Variants in C10orf90 observed in about 807,000 individuals in gnomAD.
The protein encoded by C10orf90 is (E2-independent) E3 ubiquitin-conjugating enzyme FATS.
C10orf90 carries 56 observed loss-of-function variants against 62.5 expected under a neutral mutation model. The observed-to-expected ratio is 0.90, with a 90% confidence interval of 0.72 to 1.12. C10orf90 has a LOEUF of 1.12. Ranked by LOEUF, C10orf90 falls within the 50% of genes most tolerant of loss-of-function variation. C10orf90 has a pLI of 0.00. For missense variants in C10orf90, 970 were observed against 880.4 expected (o/e 1.10, Z -1.29); for synonymous variants, 386 against 340.4 (o/e 1.13, Z -1.47).
chr10:126,551,722 G>A (rs1460611843), intron 2 of C10orf90, among the ~76,000 whole-genome samples: 2 of 152,144 alleles, frequency 1.3e-5, no homozygotes, highest in African/African-American at 4.8e-5. Context: ...AAAGAAAAAG[G>A]CACAGAAGAG....
At chr10:126,658,951 T>C (rs1846451630) in intron 1 of C10orf90, among the ~76,000 whole-genome samples, 1 of 152,186 alleles carries the variant, frequency 6.6e-6, no homozygotes, top group South Asian at 2.1e-4. Context: ...TCCTCCAGAT[T>C]GCAGAGGCTG....
intron 2 of C10orf90, among the ~76,000 whole-genome samples, chr10:126,621,748 A>G (rs1845647708): frequency 6.6e-6 from 1 of 152,228 alleles, no homozygotes; most frequent in South Asian, 2.1e-4. Flanking sequence ...CATTCTTGAT[A>G]TTAATAAAAA....
At chr10:126,602,968 GGA>G (rs369135995) in intron 2 of C10orf90, among the ~76,000 whole-genome samples, 3 of 150,902 alleles carry the variant, frequency 2.0e-5, no homozygotes, top group South Asian at 2.1e-4. Flanking sequence ...TGGGGAGAAG[GGA>G]GAGAGAGAGA....
chr10:126,572,395 AAAG>A (rs1386125343), intron 2 of C10orf90, among the ~76,000 whole-genome samples: 8 of 152,122 alleles, frequency 5.3e-5, no homozygotes, highest in African/African-American at 1.7e-4. Context: ...TAAAGGAATA[AAAG>A]AATGGCTACT....
intron 7 of C10orf90, among the ~76,000 whole-genome samples, chr10:126,455,349 C>G (rs1397220386): frequency 6.6e-6 from 1 of 152,210 alleles, no homozygotes; most frequent in Non-Finnish European, 1.5e-5. Flanking sequence ...ATGGTTCTCC[C>G]CCATGTTGGG....
intron 4 of C10orf90, among the ~76,000 whole-genome samples, chr10:126,468,884 A>C (rs1860427080): frequency 6.6e-6 from 1 of 152,222 alleles, no homozygotes; most frequent in Non-Finnish European, 1.5e-5. Flanking sequence ...TTTTACCTCC[A>C]TTGGCCAGAA....
At chr10:126,576,734 G>A (rs1330729604) in intron 2 of C10orf90, among the ~76,000 whole-genome samples, 13 of 54,382 alleles carry the variant, frequency 2.4e-4, no homozygotes, top group African/African-American at 4.3e-4. Context: ...ACATATATAT[G>A]TATATGTATA....
chr10:126,557,940 T>A (rs911787944), intron 2 of C10orf90, among the ~76,000 whole-genome samples: 1 of 152,064 alleles, frequency 6.6e-6, no homozygotes, highest in Non-Finnish European at 1.5e-5. Context: ...GGTGACGGTG[T>A]TGAGTCAGGA....
intron 2 of C10orf90, among the ~76,000 whole-genome samples, chr10:126,527,006 A>G (rs574232985): frequency 1.2e-3 from 186 of 152,288 alleles, no homozygotes; most frequent in African/African-American, 4.3e-3. Flanking sequence ...GTGGGTTTAT[A>G]ATACTACTAC....
At chr10:126,539,025 A>G (rs1864312725) in intron 2 of C10orf90, among the ~76,000 whole-genome samples, 1 of 152,204 alleles carries the variant, frequency 6.6e-6, no homozygotes. Context: ...CTGGAGCAAA[A>G]TTAGCTTTGA....
intron 2 of C10orf90, among the ~76,000 whole-genome samples, chr10:126,577,950 G>A (rs183419651): frequency 1.3e-5 from 2 of 152,034 alleles, no homozygotes; most frequent in African/African-American, 4.8e-5. Flanking sequence ...AAATGTATCT[G>A]GTCCCCTATT....
intron 4 of C10orf90, among the ~76,000 whole-genome samples, chr10:126,494,121 T>A (rs549164002): frequency 4.4e-4 from 67 of 152,296 alleles, no homozygotes; most frequent in African/African-American, 1.5e-3. Flanking sequence ...AGATCAAAAA[T>A]GCCTAAATAC....
At chr10:126,493,112 A>G (rs933779223) in intron 4 of C10orf90, among the ~76,000 whole-genome samples, 1 of 152,056 alleles carries the variant, frequency 6.6e-6, no homozygotes, top group African/African-American at 2.4e-5. Context: ...TTGTTGAGAA[A>G]AGTAAGCCTT....
At chr10:126,667,389 G>T (rs1312825742) in intron 1 of C10orf90, among the ~76,000 whole-genome samples, 1 of 152,100 alleles carries the variant, frequency 6.6e-6, no homozygotes, top group Non-Finnish European at 1.5e-5. Context: ...AGAATGAATA[G>T]AAAAAGGAGA....
rs879463844 is a variant in C10orf90 at position 126,446,571 on chromosome 10, C to CA, written c.2188+12468dup. Among the ~76,000 whole-genome samples, 54 of 151,514 alleles carry CA rather than the reference C, an allele frequency of 3.6e-4. 1 individual carries two copies. The highest frequency in any genetic ancestry group is 5.8e-4 in the East Asian group (3 of 5,170). On this transcript the variant is annotated intron_variant, in intron 7 of 9. Coordinates refer to ENST00000488181, the MANE Select transcript of C10orf90 (RefSeq NM_001350921.2). ...TGGAAATGAGAGATAAAGGCTTTGT[C>CA]AAAAAAAACAAAAGCTAAGGGGTTC...
At chr10:126,505,172 G>A in intron 3 of C10orf90, 87 bp from the exon 4 acceptor site, 3 of 1,388,928 alleles carry the variant, frequency 2.2e-6, no homozygotes, top group Non-Finnish European at 1.9e-6. Flanking sequence ...CAGGATGCCA[G>A]AGCACTGGGT....
intron 2 of C10orf90, among the ~76,000 whole-genome samples, chr10:126,516,735 A>C (rs529478489): frequency 2.0e-5 from 3 of 152,236 alleles, no homozygotes; most frequent in South Asian, 4.1e-4. Flanking sequence ...ACACAACACA[A>C]ATGTGGTATG....
At chr10:126,558,028 G>A (rs1045613363) in intron 2 of C10orf90, among the ~76,000 whole-genome samples, 7 of 152,028 alleles carry the variant, frequency 4.6e-5, no homozygotes, top group Non-Finnish European at 1.0e-4. Flanking sequence ...ACGCCCCTCA[G>A]ACTCTGCAGT....
At position 126,574,517 on chromosome 10, in the gene C10orf90, A is replaced by G. The variant is rs796230926; in HGVS notation, c.314-60578T>C. Among the ~76,000 whole-genome samples, 7 of 152,246 alleles carry G rather than the reference A, an allele frequency of 4.6e-5. 1 individual carries two copies. Among genetic ancestry groups the G allele is most frequent in the African/African-American group, 1.4e-4 (6 of 41,584 alleles). ...CAAACATAATGCAAAAATTTTAAAC[A>G]AAATATCAGCAAATCAAAGCAAGTA... On this transcript the variant is annotated intron_variant, in intron 2 of 9. Coordinates refer to ENST00000488181, the MANE Select transcript of C10orf90 (RefSeq NM_001350921.2).
Sources: allele counts gnomAD v4.1 joint callset (sites outside exome capture counted in the v4.1 genomes callset), GRCh38; gene constraint gnomAD v4.1.1; transcripts MANE v1.5; gene names NCBI Gene and HGNC (gene_info 2026-07-23, HGNC 2026-07-21).